RNF13: variants seen among roughly 807,000 people sequenced by gnomAD.
RNF13 encodes the protein E3 ubiquitin-protein ligase RNF13.
A neutral mutation model predicts 37.7 loss-of-function variants in RNF13; 19 were observed. The ratio of observed to expected loss-of-function variants is 0.50; its 90% confidence interval spans 0.35 to 0.74. The LOEUF is 0.74. Ranked by LOEUF, RNF13 falls within the 30% of genes least tolerant of loss-of-function variation. RNF13 has a pLI of 0.01. For missense variants in RNF13, 375 were observed against 453.0 expected, an observed-to-expected ratio of 0.83 and a Z score of 1.56; for synonymous variants, 144 against 157.8, an observed-to-expected ratio of 0.91 and a Z score of 0.65.
At chr3:149,854,881 C>T (rs1054627122) in intron 3 of RNF13, among the ~76,000 whole-genome samples, 2 of 152,164 alleles carry the variant, frequency 1.3e-5, no homozygotes, top group Non-Finnish European at 1.5e-5. Context: ...TGGTGAAATA[C>T]CTAGCTATGA....
chr3:149,899,671 T>G lies in RNF13; in HGVS notation c.410-2401T>G, dbSNP rs539188191. On this transcript the variant is annotated intron_variant, in intron 5 of 9. Transcript: ENST00000392894. ...TGGTTTGGAGTATTAGTAGTTAAAG[T>G]CATGAGAAGTGGTAGGAATATGGCT... Among the ~76,000 whole-genome samples, 5 of 152,166 alleles carry G rather than the reference T, an allele frequency of 3.3e-5. No homozygotes were observed. In the South Asian group the frequency reaches 1.0e-3, roughly 32 times the overall value.
At chr3:149,842,729 A>G (rs1722297371) in intron 1 of RNF13, among the ~76,000 whole-genome samples, 1 of 152,264 alleles carries the variant, frequency 6.6e-6, no homozygotes. Flanking sequence ...AAGAATATTC[A>G]TAAGGAATGC....
intron 8 of RNF13, among the ~76,000 whole-genome samples, chr3:149,934,729 C>T (rs956112555): frequency 1.3e-5 from 2 of 151,760 alleles, no homozygotes; most frequent in Non-Finnish European, 2.9e-5. Context: ...AATCTCAGCT[C>T]AGTGCAGTAT....
At chr3:149,834,605 G>A (rs370233306) in intron 1 of RNF13, among the ~76,000 whole-genome samples, 61 of 152,340 alleles carry the variant, frequency 4.0e-4, no homozygotes, top group African/African-American at 1.3e-3. Flanking sequence ...GCTTGATGCC[G>A]TTCTCATGGG....
At chr3:149,864,008 ATTTTTTTTTTTT>A (rs535062004) in intron 3 of RNF13, among the ~76,000 whole-genome samples, 3 of 29,692 alleles carry the variant, frequency 1.0e-4, no homozygotes, top group South Asian at 1.8e-3. Flanking sequence ...TTTGATTGGA[ATTTTTTTTTTTT>A]TTTTTTTTTT....
chr3:149,853,316 T>G (rs1723281522), intron 3 of RNF13, among the ~76,000 whole-genome samples: 1 of 152,190 alleles, frequency 6.6e-6, no homozygotes, highest in Admixed American at 6.5e-5. Context: ...CGATTTAGAA[T>G]TCTATCAATA....
intron 8 of RNF13, among the ~76,000 whole-genome samples, chr3:149,922,293 T>C (rs537972300): frequency 9.9e-5 from 15 of 152,184 alleles, no homozygotes; most frequent in African/African-American, 3.6e-4. Flanking sequence ...TTTTTAAGAC[T>C]ATACTCTTAT....
intron 4 of RNF13, among the ~76,000 whole-genome samples, chr3:149,876,110 C>T (rs930660296): frequency 1.3e-5 from 2 of 152,202 alleles, no homozygotes; most frequent in African/African-American, 4.8e-5. Flanking sequence ...TGTCCATTGT[C>T]ATTTCAGTAC....
chr3:149,898,057 C>G (rs1715451580), intron 5 of RNF13, among the ~76,000 whole-genome samples: 2 of 152,180 alleles, frequency 1.3e-5, no homozygotes, highest in Admixed American at 6.5e-5. Context: ...TACCTGCGCC[C>G]TCAGGAAAGT....
intron 7 of RNF13, among the ~76,000 whole-genome samples, chr3:149,919,073 C>G (rs377547629): frequency 5.3e-5 from 8 of 151,970 alleles, no homozygotes; most frequent in Non-Finnish European, 1.0e-4. Context: ...CTTTTACTTT[C>G]TTTTTCCTAT....
intron 8 of RNF13, among the ~76,000 whole-genome samples, chr3:149,932,471 C>T (rs934160620): frequency 2.6e-5 from 4 of 152,170 alleles, no homozygotes; most frequent in Admixed American, 2.6e-4. Flanking sequence ...TTCTTTCCAC[C>T]TATTAGCCCG....
chr3:149,922,472 TTAAAC>T (rs1718241718), intron 8 of RNF13, among the ~76,000 whole-genome samples: 1 of 152,194 alleles, frequency 6.6e-6, no homozygotes, highest in Non-Finnish European at 1.5e-5. Context: ...AAAACAATAA[TTAAAC>T]TAACCAAAAT....
chr3:149,928,981 G>T (rs1718920606), intron 8 of RNF13, among the ~76,000 whole-genome samples: 1 of 151,966 alleles, frequency 6.6e-6, no homozygotes, highest in African/African-American at 2.4e-5. Context: ...ATTGTTCATT[G>T]CTGGTGTGGA....
At chr3:149,909,741 A>G (rs1006594524) in intron 6 of RNF13, among the ~76,000 whole-genome samples, 73 of 152,204 alleles carry the variant, frequency 4.8e-4, no homozygotes, top group African/African-American at 1.8e-3. Flanking sequence ...CTTCCTGGGA[A>G]ATTCTGAAAT....
At chr3:149,914,367 A>G (rs180998277) in intron 7 of RNF13, among the ~76,000 whole-genome samples, 169 of 152,194 alleles carry the variant, frequency 1.1e-3, no homozygotes, top group Admixed American at 2.0e-3. Context: ...GGGACATTAT[A>G]GATTTTTATA....
intron 8 of RNF13, among the ~76,000 whole-genome samples, chr3:149,946,128 G>A (rs954366397): frequency 6.6e-6 from 1 of 152,220 alleles, no homozygotes; most frequent in African/African-American, 2.4e-5. Context: ...CGAGCTAAAG[G>A]AGGAAGTGCG....
At chr3:149,914,479 A>T (rs911224453) in intron 7 of RNF13, among the ~76,000 whole-genome samples, 17 of 152,182 alleles carry the variant, frequency 1.1e-4, no homozygotes. Flanking sequence ...TAGAAGCAAG[A>T]AAGTAGAGAG....
chr3:149,848,697 T>A (rs1722865385), intron 2 of RNF13, among the ~76,000 whole-genome samples: 1 of 152,182 alleles, frequency 6.6e-6, no homozygotes, highest in Non-Finnish European at 1.5e-5. Context: ...TGCCTTTGAT[T>A]TTTTGGTTGG....
At chr3:149,902,973 C>A (rs972891809) in intron 6 of RNF13, among the ~76,000 whole-genome samples, 1 of 152,098 alleles carries the variant, frequency 6.6e-6, no homozygotes, top group African/African-American at 2.4e-5. Context: ...CACTTATTAT[C>A]TACATTTGCC....
Sources: allele counts gnomAD v4.1 joint callset (sites outside exome capture counted in the v4.1 genomes callset), GRCh38; gene constraint gnomAD v4.1.1; transcripts MANE v1.5; gene names NCBI Gene and HGNC (gene_info 2026-07-23, HGNC 2026-07-21).